Variants in CNTNAP2 observed in about 807,000 individuals in gnomAD.
CNTNAP2 encodes contactin-associated protein-like 2.
In CNTNAP2, 98 loss-of-function variants were observed where a neutral mutation model predicts 155.2. The observed-to-expected ratio is 0.63, with a 90% CI of 0.54 to 0.75. The LOEUF (loss-of-function observed/expected upper bound fraction) is 0.75. CNTNAP2 is among the 30% of genes least tolerant of loss of function. The probability of loss-of-function intolerance (pLI) is 0.00; values close to 1 mark genes in which losing one functional copy is unlikely to be tolerated. For missense variants in CNTNAP2, 1,727 were observed against 1,688.1 expected, an observed-to-expected ratio of 1.02 and a Z score of -0.40; for synonymous variants, 651 against 631.2, an observed-to-expected ratio of 1.03 and a Z score of -0.47.
chr7:148,063,975 G>T (rs1228429504), intron 15 of CNTNAP2, among the ~76,000 whole-genome samples: 1 of 151,958 alleles, frequency 6.6e-6, no homozygotes, highest in Non-Finnish European at 1.5e-5. Context: ...AGCACCATTT[G>T]TTGAAAAGGG....
chr7:146,235,983 C>CGCGT (rs1554405757), intron 1 of CNTNAP2, among the ~76,000 whole-genome samples: 3 of 147,082 alleles, frequency 2.0e-5, no homozygotes, highest in African/African-American at 7.6e-5. Flanking sequence ...TGTGTGTGCG[C>CGCGT]GCGTATTTGT....
chr7:146,379,191 T>A (rs569874879), intron 1 of CNTNAP2, among the ~76,000 whole-genome samples: 3 of 152,356 alleles, frequency 2.0e-5, no homozygotes, highest in African/African-American at 7.2e-5. Flanking sequence ...GCCTCTTTCC[T>A]GGGTATGTTT....
intron 20 of CNTNAP2, among the ~76,000 whole-genome samples, chr7:148,243,661 T>G (rs1019234458): frequency 6.6e-6 from 1 of 151,998 alleles, no homozygotes; most frequent in Non-Finnish European, 1.5e-5. Flanking sequence ...TGAGAAAGAC[T>G]GGCCCCCATG....
chr7:147,556,848 G>A (rs552169354), intron 11 of CNTNAP2, among the ~76,000 whole-genome samples: 1 of 152,282 alleles, frequency 6.6e-6, no homozygotes, highest in African/African-American at 2.4e-5. Context: ...CTAAGTGTCT[G>A]TCATTTGTTA....
At chr7:147,558,468 G>A (rs188169487) in intron 11 of CNTNAP2, among the ~76,000 whole-genome samples, 2 of 152,292 alleles carry the variant, frequency 1.3e-5, no homozygotes, top group East Asian at 3.9e-4. Context: ...TTGGGAGCTT[G>A]TCATAACTGC....
chr7:146,858,423 G>A (rs1023931065), intron 3 of CNTNAP2, among the ~76,000 whole-genome samples: 3 of 152,186 alleles, frequency 2.0e-5, no homozygotes, highest in African/African-American at 4.8e-5. Context: ...ACCAGGCTTC[G>A]TGGCTCATGC....
intron 14 of CNTNAP2, among the ~76,000 whole-genome samples, chr7:147,934,804 GA>G (rs1585036861): frequency 6.6e-6 from 1 of 152,210 alleles, no homozygotes; most frequent in South Asian, 2.1e-4. Flanking sequence ...ATCCAAAAAT[GA>G]AAAACTTGTT....
At chr7:147,123,203 A>C (rs914075380) in intron 6 of CNTNAP2, among the ~76,000 whole-genome samples, 6 of 152,306 alleles carry the variant, frequency 3.9e-5, no homozygotes, top group African/African-American at 1.4e-4. Context: ...TCTCTAAATT[A>C]GTATGTGTCT....
chr7:146,930,428 C>A (rs374397779), intron 3 of CNTNAP2, among the ~76,000 whole-genome samples: 1 of 151,328 alleles, frequency 6.6e-6, no homozygotes, highest in Admixed American at 6.6e-5. Flanking sequence ...TAAAAGAGCT[C>A]CTGAAGGAAG....
intron 22 of CNTNAP2, among the ~76,000 whole-genome samples, chr7:148,408,311 A>G (rs559662201): frequency 1.3e-5 from 2 of 152,276 alleles, no homozygotes; most frequent in Non-Finnish European, 2.9e-5. Flanking sequence ...AGAAAGGATT[A>G]AATCACATGT....
chr7:147,884,848 G>A (rs1286850087), intron 13 of CNTNAP2, among the ~76,000 whole-genome samples: 3 of 152,046 alleles, frequency 2.0e-5, no homozygotes, highest in Non-Finnish European at 4.4e-5. Flanking sequence ...TAGTTTCCTG[G>A]GAGGAAGACC....
chr7:146,341,509 A>C (rs1000472474), intron 1 of CNTNAP2, among the ~76,000 whole-genome samples: 2 of 152,174 alleles, frequency 1.3e-5, no homozygotes, highest in Non-Finnish European at 2.9e-5. Flanking sequence ...GAAAGATAGA[A>C]AAACAGTTGC....
chr7:146,690,864 T>C (rs113563833), intron 1 of CNTNAP2, among the ~76,000 whole-genome samples: 34 of 152,144 alleles, frequency 2.2e-4, no homozygotes, highest in Non-Finnish European at 4.4e-4. Flanking sequence ...AGCAACTGTT[T>C]CATTTTGTCA....
At chr7:146,720,774 T>C (rs1193738383) in intron 1 of CNTNAP2, among the ~76,000 whole-genome samples, 1 of 151,160 alleles carries the variant, frequency 6.6e-6, no homozygotes, top group Non-Finnish European at 1.5e-5. Context: ...TTATAGACTA[T>C]GTAGAGGATG....
At chr7:147,221,270 AT>A (rs1223848594) in intron 8 of CNTNAP2, among the ~76,000 whole-genome samples, 6 of 152,220 alleles carry the variant, frequency 3.9e-5, no homozygotes, top group African/African-American at 7.2e-5. Flanking sequence ...TTTTCATGGT[AT>A]TTTTTTGAAC....
chr7:147,164,406 A>AT (rs1802081633), intron 8 of CNTNAP2, among the ~76,000 whole-genome samples: 1 of 152,224 alleles, frequency 6.6e-6, no homozygotes, highest in Non-Finnish European at 1.5e-5. Context: ...TAGAAAGCAC[A>AT]TGGTTCCCAT....
At chr7:147,320,488 A>G (rs2059667519) in intron 9 of CNTNAP2, among the ~76,000 whole-genome samples, 1 of 152,186 alleles carries the variant, frequency 6.6e-6, no homozygotes, top group Admixed American at 6.5e-5. Context: ...TCCAATACAT[A>G]GGACATTTTT....
intron 1 of CNTNAP2, among the ~76,000 whole-genome samples, chr7:146,673,031 G>T (rs947436667): frequency 2.0e-5 from 3 of 151,870 alleles, no homozygotes; most frequent in Non-Finnish European, 4.4e-5. Context: ...TTCCTGGTTG[G>T]TTTACTTCTC....
chr7:146,907,224 C>G, intron 3 of CNTNAP2, among the ~76,000 whole-genome samples: 1 of 151,052 alleles, frequency 6.6e-6, no homozygotes. Flanking sequence ...GGAAAACACT[C>G]TGCAGGATAT....
Sources: gnomAD v4.1 joint callset for allele counts (sites outside exome capture counted in the v4.1 genomes callset) on GRCh38, gnomAD v4.1.1 for gene constraint, MANE v1.5 for transcripts, NCBI Gene and HGNC (gene_info 2026-07-23, HGNC 2026-07-21) for gene names.